Variants in SLC12A9 observed in about 807,000 individuals in gnomAD.
SLC12A9 encodes solute carrier family 12 member 9.
A neutral mutation model predicts 66.0 loss-of-function variants in SLC12A9; 55 were observed. The observed-to-expected ratio is 0.83, with a 90% CI of 0.67 to 1.04. The LOEUF is 1.04. Ranked by LOEUF, SLC12A9 falls within the 50% of genes least tolerant of loss-of-function variation. The pLI is 0.00. For missense variants in SLC12A9, 1,061 were observed against 1,241.9 expected, an observed-to-expected ratio of 0.85 and a Z score of 2.19; for synonymous variants, 577 against 569.0, an observed-to-expected ratio of 1.01 and a Z score of -0.20.
chr7:100,860,740 T>G, intron 9 of SLC12A9: 1 of 381,676 alleles, frequency 2.6e-6, no homozygotes, highest in East Asian at 6.8e-5. Flanking sequence ...ATTGACACTT[T>G]GGGGTGCACT....
In SLC12A9 at chr7:100,854,309, TCCAC is replaced by T. The variant is rs1344994574; in HGVS notation, c.114_117del (p.Thr39SerfsTer15). The T allele has an allele frequency of 6.2e-7, 1 of 1,606,988 alleles. No individual in the cohort carries two copies. The highest frequency in any genetic ancestry group is 8.5e-7 in the Non-Finnish European group (1 of 1,178,208). ...TGGAGGGGCGTCTGCCCGGAAGCTG[TCCAC>T]CTTCCTGGGTGTGGTGGTGCCCACT... is the stretch of plus-strand genomic sequence containing the variant. On this transcript the variant is annotated frameshift_variant, in exon 2 of 14. Transcript: ENST00000354161. LOFTEE classifies it high-confidence loss of function.
intron 5 of SLC12A9, 90 bp downstream of exon 5, chr7:100,857,266 T>A (rs1171423655): frequency 1.3e-5 from 18 of 1,385,532 alleles, no homozygotes; most frequent in Non-Finnish European, 1.8e-5. Context: ...TGAGCACAGG[T>A]GTCAGAGGGA....
At chr7:100,841,550 T>G (rs1228046652) in intron 1 of SLC12A9, among the ~76,000 whole-genome samples, 1 of 152,128 alleles carries the variant, frequency 6.6e-6, no homozygotes, top group Non-Finnish European at 1.5e-5. Flanking sequence ...GACATTAAAG[T>G]AAAAGCATAA....
rs780815163 is a variant in SLC12A9 at position 100,861,847 on chromosome 7, G to T, written c.1647G>T (p.Arg549=). The change falls in exon 12 of 14, where the codon CGG becomes CGT. Residue 549 remains arginine (R), a synonymous_variant. Coordinates refer to ENST00000354161, the MANE Select transcript of SLC12A9 (RefSeq NM_020246.4). This position sits in a 1 kb window ranked among gnomAD's most constrained non-coding sequence, Gnocchi z 5.3. ...CCCGGGGCGCCCTGCCTCTGCTGCGGTTGGCCAACCAGCTTAAGAAGGGGG... is the reference window on the plus strand; with the variant it reads ...CCCGGGGCGCCCTGCCTCTGCTGCGTTTGGCCAACCAGCTTAAGAAGGGGG... ...GNPRGALPLL[R]LANQLKKGGL... 6.8e-6 allele frequency: 11 copies of T among 1,614,020 alleles called. No individual in the cohort carries two copies. Among genetic ancestry groups the T allele is most frequent in the Non-Finnish European group, 9.3e-6 (11 of 1,179,968 alleles).
chr7:100,848,669 G>A (rs959129656), upstream of SLC12A9, among the ~76,000 whole-genome samples: 18 of 151,978 alleles, frequency 1.2e-4, no homozygotes, highest in East Asian at 1.2e-3. Flanking sequence ...GGCGGATCAC[G>A]AGGTCAGGAG....
Position 100,866,733 on chromosome 7 carries a change from T to A in SLC12A9, c.*128T>A. 2 of 1,007,226 alleles carry A rather than the reference T, an allele frequency of 2.0e-6. No individual in the cohort carries two copies. The highest frequency in any genetic ancestry group is 2.7e-6 in the Non-Finnish European group (2 of 727,924). 62.4% of individuals were successfully genotyped at this position (1,007,226 alleles called of 1,614,324 possible). A position where few individuals can be genotyped will look rare whatever the true frequency, so the allele number is the denominator to read the frequency against. On this transcript the variant is annotated 3_prime_UTR_variant, in exon 14 of 14. Coordinates refer to ENST00000354161, the MANE Select transcript of SLC12A9 (RefSeq NM_020246.4). The surrounding 1 kb of genome is among the most constrained non-coding windows in gnomAD (Gnocchi z 7.3). ...CTTGGGACGTGGAGCCCAGGGGAGG[T>A]TTGAAGGGGATCCTGGGCTTGGGCA...
Position 100,857,120 on chromosome 7 carries a change from C to A in SLC12A9, c.701C>A (p.Pro234His), listed in dbSNP as rs771524495. 6.2e-7 allele frequency: 1 copy of A among 1,614,180 alleles called. No homozygotes were observed. Among genetic ancestry groups the A allele is most frequent in the Non-Finnish European group, 8.5e-7 (1 of 1,180,028 alleles). ...RPGPNGSSLP[P>H]RFGHFTGFNS... ...GGCCCCAATGGCTCCTCCCTGCCGCCCCGGTTTGGCCACTTCACCGGCTTC... is the reference window on the plus strand; with the variant it reads ...GGCCCCAATGGCTCCTCCCTGCCGCACCGGTTTGGCCACTTCACCGGCTTC... The change falls in exon 5 of 14, where the codon CCC (proline) becomes CAC (histidine). Residue 234 changes from proline to histidine, a missense_variant. Physicochemically the swap from Pro to His is moderately conservative, Grantham distance 77 (BLOSUM62 -2). Coordinates refer to ENST00000354161, the MANE Select transcript of SLC12A9 (RefSeq NM_020246.4).
upstream of SLC12A9, among the ~76,000 whole-genome samples, chr7:100,850,188 C>T (rs146592487): frequency 5.7e-3 from 857 of 150,068 alleles, 8 homozygotes; most frequent in African/African-American, 0.018. Flanking sequence ...CTTTTCCCTC[C>T]CTCCCTTCTT....
chr7:100,859,874 C>G lies in SLC12A9; in HGVS notation c.978-11C>G. Reference sequence around the variant, plus strand: ...CATGATCATCCGTGTCCTCCTTTTCCTCCTTCCTAGGACCCTGCTGCAGGA... The same window carrying G: ...CATGATCATCCGTGTCCTCCTTTTCGTCCTTCCTAGGACCCTGCTGCAGGA... On this transcript the variant is annotated splice_polypyrimidine_tract_variant and intron_variant, in intron 7 of 13. Transcript: ENST00000354161. The G allele has an allele frequency of 6.3e-7, 1 of 1,588,170 alleles. No individual in the cohort carries two copies. Among genetic ancestry groups the G allele is most frequent in the South Asian group, 1.1e-5 (1 of 90,332 alleles).
chr7:100,852,636 A>AGG (rs1261508182), upstream of SLC12A9: 1 of 130,990 alleles, frequency 7.6e-6, no homozygotes, highest in African/African-American at 3.0e-5. Flanking sequence ...AAGAGCAGAG[A>AGG]GGGTCGGGCT....
At chr7:100,833,850 G>T (rs1038649101) in intron 1 of SLC12A9, among the ~76,000 whole-genome samples, 10 of 149,580 alleles carry the variant, frequency 6.7e-5, no homozygotes, top group African/African-American at 2.2e-4. Flanking sequence ...GGAGAATGGC[G>T]GGAACCCGGG....
At chr7:100,856,671 C>T (rs1478178701) in intron 4 of SLC12A9, 197 bp from the exon 5 acceptor site, 8 of 576,562 alleles carry the variant, frequency 1.4e-5, no homozygotes, top group Non-Finnish European at 2.1e-5. Context: ...CCTCCCCACA[C>T]CTGGCTAATT....
Position 100,862,720 on chromosome 7 carries a change from C to T in SLC12A9, c.1751C>T (p.Ala584Val), listed in dbSNP as rs757167385. 4.3e-6 allele frequency: 7 copies of T among 1,614,212 alleles called. No individual in the cohort carries two copies. The highest frequency in any genetic ancestry group is 5.9e-6 in the Non-Finnish European group (7 of 1,180,036). The part of the protein sequence containing the change: ...PSDPVQPQYG[A>V]WLSLVDRAQV... ...GACCCTGTACAGCCGCAGTATGGGGCATGGCTCAGCCTGGTGGACCGTGCC... is the reference window on the plus strand; with the variant it reads ...GACCCTGTACAGCCGCAGTATGGGGTATGGCTCAGCCTGGTGGACCGTGCC... The change falls in exon 13 of 14, where the codon GCA (alanine) becomes GTA (valine). Residue 584 changes from alanine (A) to valine (V), a missense_variant. Coordinates refer to ENST00000354161, the MANE Select transcript of SLC12A9 (RefSeq NM_020246.4).
intron 1 of SLC12A9, chr7:100,827,516 C>T (rs1418667130): frequency 1.3e-5 from 2 of 150,956 alleles, no homozygotes; most frequent in East Asian, 2.0e-4. Flanking sequence ...CTGAGCTGCG[C>T]TGGAACTGGG....
rs1369583143 is a variant in SLC12A9, at chr7:100,865,896, A to G, written c.2036A>G (p.Asn679Ser). The change falls in exon 14 of 14, where the codon AAT becomes AGT. Residue 679 changes from asparagine (N) to serine (S), a missense_variant. Asn to Ser is a conservative substitution (Grantham distance 46). Coordinates refer to ENST00000354161, the MANE Select transcript of SLC12A9 (RefSeq NM_020246.4). ...GCTCCTGGGAGCCCCCGGGCCCTCA[A>G]TCCCCAGGACTATGTGGCCACGGTG... is the stretch of plus-strand genomic sequence containing the variant. ...PRAPGSPRAL[N>S]PQDYVATVAD... The G allele has an allele frequency of 6.2e-7, 1 of 1,613,240 alleles. No homozygotes were observed. The highest frequency in any genetic ancestry group is 1.7e-5 in the Admixed American group (1 of 60,002).
chr7:100,841,819 A>T (rs1207777277), intron 1 of SLC12A9, among the ~76,000 whole-genome samples: 1 of 152,212 alleles, frequency 6.6e-6, no homozygotes, highest in Non-Finnish European at 1.5e-5. Context: ...TAATAAAAAT[A>T]GGTGCTAAAG....
intron 1 of SLC12A9, among the ~76,000 whole-genome samples, chr7:100,835,269 C>T (rs201267523): frequency 7.4e-5 from 11 of 149,242 alleles, no homozygotes; most frequent in South Asian, 4.3e-4. Flanking sequence ...GCAGGAGAAT[C>T]GCTTGAACCT....
At chr7:100,835,442 G>T (rs1813633836) in intron 1 of SLC12A9, among the ~76,000 whole-genome samples, 1 of 151,594 alleles carries the variant, frequency 6.6e-6, no homozygotes, top group African/African-American at 2.4e-5. Context: ...CCGAGGTCAA[G>T]AGATCGAGAC....
chr7:100,862,182 C>T (rs1353820348), intron 12 of SLC12A9, among the ~76,000 whole-genome samples: 3 of 152,090 alleles, frequency 2.0e-5, no homozygotes, highest in Non-Finnish European at 4.4e-5. Flanking sequence ...GTCTCGAACT[C>T]CTGACCTCAA....
Sources: gnomAD v4.1 joint callset for allele counts (sites outside exome capture counted in the v4.1 genomes callset) on GRCh38, gnomAD v4.1.1 for gene constraint, Gnocchi (gnomAD v3.1) non-coding constraint, MANE v1.5 for transcripts, NCBI Gene and HGNC (gene_info 2026-07-23, HGNC 2026-07-21) for gene names.